Variants in BPTF observed in about 807,000 individuals in gnomAD.
The protein encoded by BPTF is nucleosome-remodeling factor subunit BPTF.
A neutral mutation model predicts 292.5 loss-of-function variants in BPTF; 18 were observed. That is an observed-to-expected ratio of 0.06 (90% CI 0.04 to 0.09). The LOEUF is 0.09. Among genes scored for constraint, BPTF ranks in the 10% least tolerant of loss-of-function variants. The probability of loss-of-function intolerance (pLI) is 1.00; values close to 1 mark genes in which losing one functional copy is unlikely to be tolerated. For missense variants in BPTF, 2,726 were observed against 3,498.7 expected (o/e 0.78, Z 5.57); for synonymous variants, 1,225 against 1,251.9 (o/e 0.98, Z 0.45).
intron 8 of BPTF, 35 bp from the exon 9 acceptor site, chr17:67,904,667 T>C: frequency 6.5e-7 from 1 of 1,530,206 alleles, no homozygotes; most frequent in Non-Finnish European, 8.9e-7. Flanking sequence ...ATTGTTATTC[T>C]TATTGTTTAA....
intron 4 of BPTF, among the ~76,000 whole-genome samples, chr17:67,888,277 T>G (rs2060870897): frequency 6.6e-6 from 1 of 152,108 alleles, no homozygotes; most frequent in South Asian, 2.1e-4. Flanking sequence ...CTAGTATTTC[T>G]CTGTGTGTAT....
chr17:67,981,133 TGTGCTACA>T (rs2070303068), intron 27 of BPTF, among the ~76,000 whole-genome samples: 1 of 152,232 alleles, frequency 6.6e-6, no homozygotes, highest in Non-Finnish European at 1.5e-5. Flanking sequence ...CACTCCAGAC[TGTGCTACA>T]GAGTGAGACC....
At chr17:67,966,405 G>T (rs2068100795) in intron 25 of BPTF, 167 bp from the exon 26 acceptor site, 9 of 530,132 alleles carry the variant, frequency 1.7e-5, no homozygotes, top group Non-Finnish European at 3.0e-5. Context: ...TGTAGAGGAA[G>T]CTCATCTTAG....
At chr17:67,833,804 G>C (rs1052660629) in intron 1 of BPTF, among the ~76,000 whole-genome samples, 30 of 152,084 alleles carry the variant, frequency 2.0e-4, no homozygotes, top group African/African-American at 7.2e-4. Context: ...CTGACCTCAA[G>C]TGATCCACCC....
At chr17:67,849,266 T>C (rs908191580) in intron 1 of BPTF, among the ~76,000 whole-genome samples, 6 of 152,286 alleles carry the variant, frequency 3.9e-5, no homozygotes, top group African/African-American at 1.4e-4. Flanking sequence ...ATTTACCAGA[T>C]GATTTTTGCT....
At chr17:67,898,838 C>T (rs1343406433) in intron 7 of BPTF, among the ~76,000 whole-genome samples, 1 of 149,150 alleles carries the variant, frequency 6.7e-6, no homozygotes, top group East Asian at 2.0e-4. Context: ...AGGAGAATCA[C>T]TTGAGGCCAG....
In BPTF at chr17:67,875,268, A is replaced by G. The variant is rs1456999884; in HGVS notation, c.1864+248A>G. Among the ~76,000 whole-genome samples, 3 of 152,184 alleles carry G rather than the reference A, an allele frequency of 2.0e-5. No homozygotes were observed. The East Asian group carries it at 5.8e-4, about 29-fold the overall frequency. ...CTTCCCATTAAGTTGCCATTTCCCT[A>G]TGAAAAAGAACTATTCTTTAATATT... On this transcript the variant is annotated intron_variant, in intron 4 of 27. Transcript: ENST00000306378.
rs1555682793 is a variant in BPTF at position 67,959,642 on chromosome 17, T to TCCTCCAGCTCCTCCAGCC, written c.8036_8037insTCCTCCAGCCCCTCCAGC (p.Ala2679_Pro2684dup). On this transcript the variant is annotated inframe_insertion, in exon 24 of 28. Coordinates refer to ENST00000306378, the MANE Select transcript of BPTF (RefSeq NM_182641.4). The stretch of plus-strand genomic sequence containing the variant: ...CACCCTGCCCCCCAGTGACACCAGC[T>TCCTCCAGCTCCTCCAGCC]CCTCCAGCCCCTCCAGCCCCTCCAC... 7 of 1,539,568 alleles carry TCCTCCAGCTCCTCCAGCC rather than the reference T, an allele frequency of 4.5e-6. No homozygotes were observed. In the East Asian group the frequency reaches 1.1e-4, roughly 23 times the overall value.
intron 18 of BPTF, among the ~76,000 whole-genome samples, chr17:67,935,757 G>A (rs996582974): frequency 6.6e-6 from 1 of 152,096 alleles, no homozygotes; most frequent in African/African-American, 2.4e-5. Flanking sequence ...TTGAGGTCAA[G>A]GCAGGGAGAA....
At chr17:67,980,182 TA>T (rs1158580435) in intron 27 of BPTF, among the ~76,000 whole-genome samples, 1 of 152,018 alleles carries the variant, frequency 6.6e-6, no homozygotes, top group African/African-American at 2.4e-5. Flanking sequence ...TCGTCTCTAC[TA>T]AAAATACAAA....
At chr17:67,908,914 G>A (rs113728219) in intron 9 of BPTF, among the ~76,000 whole-genome samples, 2,623 of 138,816 alleles carry the variant, frequency 0.019, 83 homozygotes, top group African/African-American at 0.067. Context: ...AGCTCACTGC[G>A]ACCTCCGCCT....
intron 10 of BPTF, among the ~76,000 whole-genome samples, chr17:67,910,071 GTC>G (rs2062549338): frequency 6.6e-6 from 1 of 152,150 alleles, no homozygotes; most frequent in African/African-American, 2.4e-5. Context: ...TCTACTTTCT[GTC>G]TCTCTGGATT....
intron 4 of BPTF, among the ~76,000 whole-genome samples, chr17:67,888,844 T>TA (rs1468750822): frequency 1.3e-5 from 2 of 152,210 alleles, no homozygotes; most frequent in African/African-American, 4.8e-5. Context: ...TGCTGTCTGT[T>TA]ACTGGGGTTG....
intron 4 of BPTF, among the ~76,000 whole-genome samples, chr17:67,877,320 A>G (rs182053615): frequency 2.6e-5 from 4 of 152,230 alleles, no homozygotes; most frequent in African/African-American, 7.2e-5. Context: ...TTCAACAGCT[A>G]TTTATTGAGT....
chr17:67,923,053 T>C, intron 14 of BPTF, 63 bp downstream of exon 14: 1 of 1,486,988 alleles, frequency 6.7e-7, no homozygotes. Flanking sequence ...AATCAATAAA[T>C]TACTTTTTTT....
At position 67,947,710 on chromosome 17, in the gene BPTF, T is replaced by A. The variant is rs1555676135; in HGVS notation, c.7618-16T>A. 1 of 1,548,024 alleles carries A rather than the reference T, an allele frequency of 6.5e-7. No homozygotes were observed. Among genetic ancestry groups the A allele is most frequent in the Non-Finnish European group, 8.7e-7 (1 of 1,144,448 alleles). ...GATTATAAAATATGCGCTTTTGGAT[T>A]TATTCTGTCCTGAAGGTGGTGATGA... On this transcript the variant is annotated splice_polypyrimidine_tract_variant and intron_variant, in intron 21 of 27. Transcript: ENST00000306378.
intron 1 of BPTF, among the ~76,000 whole-genome samples, chr17:67,833,906 G>T (rs116121495): frequency 5.4e-4 from 83 of 152,316 alleles, no homozygotes; most frequent in African/African-American, 1.7e-3. Context: ...CTTAGTGATA[G>T]ATTGGTTAGG....
Position 67,826,022 on chromosome 17 carries a change from G to A in BPTF, c.298G>A (p.Gly100Ser). The change falls in exon 1 of 28, where the codon GGC (glycine) becomes AGC (serine). Residue 100 changes from glycine to serine, a missense_variant. Gly to Ser is a moderately conservative substitution (Grantham distance 56). This residue lies in a region of BPTF where 103 missense variants were observed against 72.1 expected (regional missense o/e 1.43). Coordinates refer to ENST00000306378, the MANE Select transcript of BPTF (RefSeq NM_182641.4). ...CCGGGGGGGGCGAGGAGGCGGGGGC[G>A]GCAGGACGGGGGGCGGGGGCGGCGG... is the stretch of plus-strand genomic sequence containing the variant. ...PGRGGRGGGG[G>S]RTGGGGGGGH... 8.5e-7 allele frequency: 1 copy of A among 1,182,644 alleles called. No homozygotes were observed. The highest frequency in any genetic ancestry group is 1.1e-6 in the Non-Finnish European group (1 of 944,934). The allele number at this position is 1,182,644 out of a possible 1,614,324, so 73.3% of individuals were successfully genotyped here.
chr17:67,867,286 C>T (rs2059446835), intron 3 of BPTF, among the ~76,000 whole-genome samples: 2 of 152,014 alleles, frequency 1.3e-5, no homozygotes, highest in Admixed American at 6.6e-5. Context: ...TTTTGGCATT[C>T]CAGTTTTTAA....
Sources: gnomAD v4.1 joint callset for allele counts (sites outside exome capture counted in the v4.1 genomes callset) on GRCh38, gnomAD v4.1.1 for gene constraint, gnomAD v4.1.1 regional missense constraint, MANE v1.5 for transcripts, NCBI Gene and HGNC (gene_info 2026-07-23, HGNC 2026-07-21) for gene names.